Variants in CD36 observed in about 807,000 individuals in gnomAD.
CD36 encodes the protein CD36 molecule (CD36 blood group).
Under a neutral mutation model 55.2 loss-of-function variants are expected in CD36, and 119 were observed. That is an observed-to-expected ratio of 2.15 (90% CI 1.86 to 2.51). The LOEUF is 2.51. Ranked by LOEUF, CD36 falls within the 30% of genes most tolerant of loss-of-function variation. The pLI is 0.00. For synonymous variants in CD36, 186 were observed against 193.6 expected, an observed-to-expected ratio of 0.96 and a Z score of 0.33; for missense variants, 819 against 555.5, an observed-to-expected ratio of 1.47 and a Z score of -4.77.
intron 13 of CD36, 48 bp downstream of exon 13, chr7:80,673,457 T>TAAAC (rs1468402442): frequency 1.5e-5 from 16 of 1,039,548 alleles, no homozygotes; most frequent in Non-Finnish European, 2.4e-5. Context: ...TCTTTGTATA[T>TAAAC]AAACAAGCTC....
At chr7:80,666,605 C>G (rs1027598926) in intron 8 of CD36, 116 bp downstream of exon 8, 1 of 777,852 alleles carries the variant, frequency 1.3e-6, no homozygotes, top group African/African-American at 1.7e-5. Flanking sequence ...GCCTTTATAT[C>G]CCCACAACAA....
chr7:80,608,679 T>C (rs1315789818), intron 1 of CD36, among the ~76,000 whole-genome samples: 1 of 152,082 alleles, frequency 6.6e-6, no homozygotes, highest in Non-Finnish European at 1.5e-5. Context: ...TTAGTGAAAA[T>C]GTCAATATTA....
rs145480868 is a variant in CD36 at position 80,669,209 on chromosome 7, T to A, written c.749-744T>A. 3.1e-3 allele frequency among the ~76,000 whole-genome samples: 466 copies of A among 152,244 alleles called. 3 individuals are homozygous for A. The South Asian group carries it at 0.032, about 10-fold the overall frequency. Reference sequence around the variant, plus strand: ...TAGCCTTAACATTTCATGTTTAAGTTTCTTTTATTTTGTACCATTAAATAT... The same window carrying A: ...TAGCCTTAACATTTCATGTTTAAGTATCTTTTATTTTGTACCATTAAATAT... On this transcript the variant is annotated intron_variant, in intron 8 of 14. Transcript: ENST00000447544.
In CD36 at chr7:80,667,429, C is replaced by CAAA. The variant is rs564416939; in HGVS notation, c.748+960_748+962dup. ...TGGGCAATAGTGTGAGACCCTGTCT[C>CAAA]AAAAAAAAAAAAAAAAAAAAAAGTG... is the stretch of plus-strand genomic sequence containing the variant. On this transcript the variant is annotated intron_variant, in intron 8 of 14. Transcript: ENST00000447544. Among the ~76,000 whole-genome samples the CAAA allele has an allele frequency of 2.0e-3, 165 of 81,218 alleles. 6 individuals carry two copies. Among genetic ancestry groups the CAAA allele is most frequent in the Admixed American group, 2.2e-3 (15 of 6,740 alleles). The allele number at this position is 81,218 out of a possible 152,430, so 53.3% of individuals were successfully genotyped here.
chr7:80,669,207 GTTTC>G (rs1797406571), intron 8 of CD36, among the ~76,000 whole-genome samples: 1 of 152,072 alleles, frequency 6.6e-6, no homozygotes, highest in South Asian at 2.1e-4. Context: ...TCATGTTTAA[GTTTC>G]TTTTATTTTG....
chr7:80,673,143 G>GA lies in CD36; in HGVS notation c.1200-207dup, dbSNP rs1487943217. On this transcript the variant is annotated intron_variant, in intron 12 of 14. Coordinates refer to ENST00000447544, the MANE Select transcript of CD36 (RefSeq NM_001001548.3). Reference sequence around the variant, plus strand: ...CAGTTCCCCGAGAATTTATTGAAAGGAAAAATCCACACTTGTGAAAAAAAA... The same window carrying GA: ...CAGTTCCCCGAGAATTTATTGAAAGGAAAAAATCCACACTTGTGAAAAAAAA... The GA allele has an allele frequency of 3.0e-5, 15 of 504,924 alleles. No homozygotes were observed. In the East Asian group the frequency reaches 4.7e-4, roughly 16 times the overall value. 31.3% of individuals were successfully genotyped at this position (504,924 alleles called of 1,614,324 possible). A position where few individuals can be genotyped will look rare whatever the true frequency, so the allele number is the denominator to read the frequency against.
intron 3 of CD36, among the ~76,000 whole-genome samples, chr7:80,654,408 T>G (rs908735417): frequency 6.6e-6 from 1 of 152,172 alleles, no homozygotes; most frequent in Non-Finnish European, 1.5e-5. Context: ...TAACAGGTAT[T>G]GTTTTTGAGC....
At chr7:80,675,970 C>A (rs1798147385) in intron 14 of CD36, 1 of 123,204 alleles carries the variant, frequency 8.1e-6, no homozygotes, top group Non-Finnish European at 1.9e-5. Flanking sequence ...CTTGAAGCAC[C>A]CTTCTTATGT....
chr7:80,620,818 G>A (rs140075942), intron 1 of CD36, among the ~76,000 whole-genome samples: 1 of 152,116 alleles, frequency 6.6e-6, no homozygotes, highest in Non-Finnish European at 1.5e-5. Flanking sequence ...AACCAGAAAA[G>A]GTGGACAAAA....
intron 1 of CD36, among the ~76,000 whole-genome samples, chr7:80,629,350 C>A (rs2116057651): frequency 6.6e-6 from 1 of 152,144 alleles, no homozygotes; most frequent in East Asian, 1.9e-4. Context: ...ATAGAAAAAT[C>A]ATTCCCACTG....
In CD36 at chr7:80,671,070, T is replaced by C. The variant is rs1158328489; in HGVS notation, c.912T>C (p.Val304=). 6.2e-7 allele frequency: 1 copy of C among 1,612,772 alleles called. No homozygotes were observed. Among genetic ancestry groups the C allele is most frequent in the Non-Finnish European group, 8.5e-7 (1 of 1,179,060 alleles). Residue 304 remains valine (V), a synonymous_variant, in exon 10 of 15, where the codon GTT becomes GTC. Transcript: ENST00000447544. ...CATCCAAGGCCTTTGCCTCTCCAGT[T>C]GAAAACCCAGACAACTATTGTTTCT... ...VLPSKAFASP[V]ENPDNYCFCT... is the part of the protein sequence containing the mutation.
chr7:80,675,958 G>GTCTTGAAGCACCCTTC, intron 14 of CD36: 1 of 128,920 alleles, frequency 7.8e-6, no homozygotes, highest in East Asian at 2.4e-4. Context: ...GTGTGTGCTT[G>GTCTTGAAGCACCCTTC]TCTTGAAGCA....
chr7:80,611,774 T>G (rs1477904779), intron 1 of CD36, among the ~76,000 whole-genome samples: 1 of 152,286 alleles, frequency 6.6e-6, no homozygotes, highest in African/African-American at 2.4e-5. Flanking sequence ...TGATTGGGTG[T>G]CTTAATCTTG....
At chr7:80,606,802 C>T (rs1480848306) in intron 1 of CD36, among the ~76,000 whole-genome samples, 1 of 152,054 alleles carries the variant, frequency 6.6e-6, no homozygotes, top group Non-Finnish European at 1.5e-5. Context: ...GTCACGTATC[C>T]CCTCAAAACC....
At chr7:80,613,114 C>T (rs1792964818) in intron 1 of CD36, among the ~76,000 whole-genome samples, 1 of 151,922 alleles carries the variant, frequency 6.6e-6, no homozygotes, top group African/African-American at 2.4e-5. Flanking sequence ...AACTTGATTC[C>T]ATGAGTCACA....
At chr7:80,670,782 A>T in intron 9 of CD36, 195 bp from the exon 10 acceptor site, 1 of 577,558 alleles carries the variant, frequency 1.7e-6, no homozygotes. Flanking sequence ...GGTACTTCAC[A>T]AACAAGAATA....
In CD36 at chr7:80,670,019, GCAGGTAAGA is replaced by G. The variant is rs779054159; in HGVS notation, c.818+1_818+9del. ...TTGCAGTTCTTTTCTTCTGATATTT[GCAGGTAAGA>G]CAGATACTGAAGTATAAGTATGTCT... On this transcript the variant is annotated splice_donor_variant and splice_donor_5th_base_variant and coding_sequence_variant and intron_variant, in exon 9 of 15. Coordinates refer to ENST00000447544, the MANE Select transcript of CD36 (RefSeq NM_001001548.3). LOFTEE classifies it high-confidence loss of function. The G allele has an allele frequency of 3.8e-6, 6 of 1,597,396 alleles. No homozygotes were observed. In the African/African-American group the frequency reaches 8.1e-5, roughly 21 times the overall value.
At chr7:80,644,841 A>T (rs537184925) in intron 1 of CD36, among the ~76,000 whole-genome samples, 1 of 152,292 alleles carries the variant, frequency 6.6e-6, no homozygotes, top group East Asian at 1.9e-4. Flanking sequence ...GTAGAGAATA[A>T]TTGTTTATAA....
chr7:80,613,142 T>G (rs1220000474), intron 1 of CD36, among the ~76,000 whole-genome samples: 2 of 152,070 alleles, frequency 1.3e-5, no homozygotes, highest in East Asian at 3.8e-4. Flanking sequence ...AAAGTATCTT[T>G]TCTTTATGGT....
Sources: gnomAD v4.1 joint callset for allele counts (sites outside exome capture counted in the v4.1 genomes callset) on GRCh38, gnomAD v4.1.1 for gene constraint, MANE v1.5 for transcripts, NCBI Gene and HGNC (gene_info 2026-07-23, HGNC 2026-07-21) for gene names.